DYNC1I1: variants seen among roughly 807,000 people sequenced by gnomAD.
The protein encoded by DYNC1I1 is cytoplasmic dynein 1 intermediate chain 1.
Under a neutral mutation model 86.6 loss-of-function variants are expected in DYNC1I1, and 43 were observed. The observed-to-expected ratio is 0.50, with a 90% CI of 0.39 to 0.64. The LOEUF (loss-of-function observed/expected upper bound fraction) is 0.64. Ranked by LOEUF, DYNC1I1 falls within the 30% of genes least tolerant of loss-of-function variation. DYNC1I1 has a pLI of 0.00. For missense variants in DYNC1I1, 604 were observed against 788.8 expected (o/e 0.77, Z 2.81); for synonymous variants, 262 against 283.7 (o/e 0.92, Z 0.77).
chr7:95,815,023 A>G (rs953228055), intron 4 of DYNC1I1, among the ~76,000 whole-genome samples: 1 of 152,026 alleles, frequency 6.6e-6, no homozygotes, highest in Non-Finnish European at 1.5e-5. Flanking sequence ...AAGTTAATGT[A>G]TTTGACCATT....
At chr7:95,831,557 T>C (rs1487114761) in intron 5 of DYNC1I1, among the ~76,000 whole-genome samples, 2 of 152,202 alleles carry the variant, frequency 1.3e-5, no homozygotes, top group Admixed American at 1.3e-4. Context: ...TATGTAGCTC[T>C]AGTTTTAATA....
chr7:95,863,399 A>C (rs1259336444), intron 5 of DYNC1I1, among the ~76,000 whole-genome samples: 1 of 152,300 alleles, frequency 6.6e-6, no homozygotes, highest in East Asian at 1.9e-4. Context: ...GAGGGTAACG[A>C]AAAGGTTGTG....
chr7:96,033,350 G>A (rs1399233368), intron 12 of DYNC1I1, among the ~76,000 whole-genome samples: 1 of 152,182 alleles, frequency 6.6e-6, no homozygotes, highest in Non-Finnish European at 1.5e-5. Flanking sequence ...AATACTGATT[G>A]CAACAGTGGG....
intron 10 of DYNC1I1, among the ~76,000 whole-genome samples, chr7:96,011,391 T>G (rs1794272705): frequency 6.6e-6 from 1 of 152,186 alleles, no homozygotes; most frequent in African/African-American, 2.4e-5. Context: ...GCCTTTGGAC[T>G]AGATTTTCCC....
At chr7:95,897,223 G>A (rs1790905041) in intron 6 of DYNC1I1, among the ~76,000 whole-genome samples, 1 of 152,154 alleles carries the variant, frequency 6.6e-6, no homozygotes, top group Non-Finnish European at 1.5e-5. Context: ...AGCAGGAAAA[G>A]CAACAAACCA....
intron 4 of DYNC1I1, among the ~76,000 whole-genome samples, chr7:95,817,954 A>G (rs1249169654): frequency 1.3e-5 from 2 of 152,210 alleles, no homozygotes; most frequent in African/African-American, 2.4e-5. Context: ...AATATAGGAA[A>G]GTGTATTGAC....
chr7:95,981,666 G>A (rs1793462216), intron 7 of DYNC1I1, among the ~76,000 whole-genome samples: 1 of 151,972 alleles, frequency 6.6e-6, no homozygotes, highest in Non-Finnish European at 1.5e-5. Flanking sequence ...AATGCACAAA[G>A]TATTGTTAGC....
chr7:95,934,555 G>C (rs1364484856), intron 6 of DYNC1I1, among the ~76,000 whole-genome samples: 2 of 151,968 alleles, frequency 1.3e-5, no homozygotes, highest in Non-Finnish European at 2.9e-5. Context: ...CTGTTAGTTT[G>C]TTGTCTTGGC....
chr7:95,975,743 G>A (rs145062186), intron 6 of DYNC1I1, among the ~76,000 whole-genome samples: 191 of 152,280 alleles, frequency 1.3e-3, no homozygotes, highest in Non-Finnish European at 1.3e-3. Flanking sequence ...GCAGGGCATG[G>A]CTGCTGAATC....
downstream of DYNC1I1, among the ~76,000 whole-genome samples, chr7:96,099,134 C>G (rs893108472): frequency 6.6e-6 from 1 of 152,014 alleles, no homozygotes; most frequent in African/African-American, 2.4e-5. Context: ...CAGTAAAGTA[C>G]CTAAGAATAA....
chr7:95,839,212 G>A (rs1233139013), intron 5 of DYNC1I1, among the ~76,000 whole-genome samples: 1 of 152,014 alleles, frequency 6.6e-6, no homozygotes, highest in Non-Finnish European at 1.5e-5. Context: ...TGTATTTTTA[G>A]TAGAGATGCA....
At chr7:95,995,206 C>T (rs1453203362) in intron 9 of DYNC1I1, among the ~76,000 whole-genome samples, 2 of 151,780 alleles carry the variant, frequency 1.3e-5, no homozygotes, top group East Asian at 3.9e-4. Context: ...AAGATCAGGC[C>T]ACTGCACTCC....
chr7:95,912,711 C>A (rs1791370852), intron 6 of DYNC1I1, among the ~76,000 whole-genome samples: 1 of 152,144 alleles, frequency 6.6e-6, no homozygotes, highest in South Asian at 2.1e-4. Context: ...GGAGGAAAGG[C>A]AATCTGTTTG....
Position 95,836,977 on chromosome 7 carries a change from C to G in DYNC1I1, c.374+8861C>G, listed in dbSNP as rs548142735. Among the ~76,000 whole-genome samples, 15 of 152,298 alleles carry G rather than the reference C, an allele frequency of 9.8e-5. No individual in the cohort carries two copies. In the South Asian group the frequency reaches 3.1e-3, roughly 32 times the overall value. On this transcript the variant is annotated intron_variant, in intron 5 of 16. Coordinates refer to ENST00000447467, the MANE Select transcript of DYNC1I1 (RefSeq NM_001135556.2). ...CCTTCTTCTCTCAGCTCGTCAAGGT[C>G]GTTCTCCGTCCAGCTTTGTTCCGTT...
At chr7:95,813,483 G>A in intron 4 of DYNC1I1, 146 bp downstream of exon 4, 1 of 1,050,276 alleles carries the variant, frequency 9.5e-7, no homozygotes, top group Non-Finnish European at 1.3e-6. Flanking sequence ...ATGGTGGCTT[G>A]CTATTTTTAG....
In DYNC1I1 at chr7:95,959,199, T is replaced by C. The variant is rs191947139; in HGVS notation, c.491-18313T>C. On this transcript the variant is annotated intron_variant, in intron 6 of 16. Transcript: ENST00000447467. The stretch of plus-strand genomic sequence containing the variant: ...CTTGAGTGAAGGCGTCATGTGGGGC[T>C]GGGGTAGGGAGTGAGGGGCAGATCT... Among the ~76,000 whole-genome samples, 5 of 152,078 alleles carry C rather than the reference T, an allele frequency of 3.3e-5. No individual in the cohort carries two copies. In the East Asian group the frequency reaches 9.7e-4, roughly 29 times the overall value.
chr7:95,861,737 A>C lies in DYNC1I1; in HGVS notation c.375-8146A>C, dbSNP rs566076964. 2.0e-5 allele frequency among the ~76,000 whole-genome samples: 3 copies of C among 152,276 alleles called. No individual in the cohort carries two copies. In the East Asian group the frequency reaches 5.8e-4, roughly 29 times the overall value. Reference sequence around the variant, plus strand: ...GAATTGTATAGTATCTAACTGATTCAGGTGGACTTTAGTGACGCTCTTGCT... The same window carrying C: ...GAATTGTATAGTATCTAACTGATTCCGGTGGACTTTAGTGACGCTCTTGCT... On this transcript the variant is annotated intron_variant, in intron 5 of 16. Transcript: ENST00000447467.
At chr7:95,858,176 A>G (rs1388406581) in intron 5 of DYNC1I1, among the ~76,000 whole-genome samples, 1 of 152,244 alleles carries the variant, frequency 6.6e-6, no homozygotes, top group Non-Finnish European at 1.5e-5. Context: ...CTAGTGAGCA[A>G]TAGTCATAAC....
chr7:95,844,291 T>G (rs981490234), intron 5 of DYNC1I1, among the ~76,000 whole-genome samples: 1 of 152,180 alleles, frequency 6.6e-6, no homozygotes, highest in African/African-American at 2.4e-5. Context: ...TTTAAAAATA[T>G]TAGGAAGCAA....
Sources: allele counts gnomAD v4.1 joint callset (sites outside exome capture counted in the v4.1 genomes callset), GRCh38; gene constraint gnomAD v4.1.1; transcripts MANE v1.5; gene names NCBI Gene and HGNC (gene_info 2026-07-23, HGNC 2026-07-21).